The following CTNNA2 variants were observed in gnomAD, a reference collection of about 807,000 sequenced individuals.
CTNNA2 encodes the protein catenin alpha 2.
Under a neutral mutation model 101.0 loss-of-function variants are expected in CTNNA2, and 42 were observed. The observed-to-expected ratio is 0.42, with a 90% confidence interval of 0.32 to 0.54. The LOEUF (loss-of-function observed/expected upper bound fraction) is 0.54. CTNNA2 is among the 20% of genes least tolerant of loss of function. The probability of loss-of-function intolerance (pLI) is 0.14; values close to 1 mark genes in which losing one functional copy is unlikely to be tolerated. For missense variants in CTNNA2, 871 were observed against 1,223.1 expected, an observed-to-expected ratio of 0.71 and a Z score of 4.29; for synonymous variants, 450 against 456.4, an observed-to-expected ratio of 0.99 and a Z score of 0.18.
chr2:79,611,710 A>G, intron 1 of CTNNA2, among the ~76,000 whole-genome samples: 1 of 152,118 alleles, frequency 6.6e-6, no homozygotes, highest in East Asian at 1.9e-4. Flanking sequence ...CTGTTTGCCT[A>G]GCTTTCCTGC....
chr2:79,463,781 A>G (rs1670903667), intron 4 of CTNNA2, among the ~76,000 whole-genome samples: 1 of 152,194 alleles, frequency 6.6e-6, no homozygotes, highest in Non-Finnish European at 1.5e-5. Context: ...CATCAGCATT[A>G]ATGTAGCTTG....
chr2:79,469,405 A>C (rs1323129726), intron 4 of CTNNA2, among the ~76,000 whole-genome samples: 2 of 152,172 alleles, frequency 1.3e-5, no homozygotes, highest in South Asian at 2.1e-4. Context: ...CCAACCAAAA[A>C]AGGTCCAGGA....
At chr2:79,835,686 T>TG (rs1558565809) in intron 3 of CTNNA2, among the ~76,000 whole-genome samples, 9 of 134,830 alleles carry the variant, frequency 6.7e-5, no homozygotes, top group African/African-American at 2.2e-4. Flanking sequence ...TTTTTTTTTT[T>TG]TTTTTTTTTT....
intron 12 of CTNNA2, among the ~76,000 whole-genome samples, chr2:80,569,613 A>G (rs1023324654): frequency 1.2e-5 from 1 of 80,372 alleles, no homozygotes; most frequent in African/African-American, 3.9e-5. Flanking sequence ...CTGTCTCAGT[A>G]TTACTTTTGG....
At chr2:80,500,912 G>A (rs780828560) in intron 9 of CTNNA2, among the ~76,000 whole-genome samples, 1 of 151,752 alleles carries the variant, frequency 6.6e-6, no homozygotes, top group African/African-American at 2.4e-5. Flanking sequence ...TTCTAACAAG[G>A]TTAGATGCAG....
intron 9 of CTNNA2, among the ~76,000 whole-genome samples, chr2:80,437,157 T>C (rs1270278355): frequency 6.6e-6 from 1 of 152,168 alleles, no homozygotes; most frequent in East Asian, 1.9e-4. Context: ...ATCTTGGACT[T>C]TGCAGCCTGT....
At chr2:79,322,104 A>G (rs979474134) in intron 3 of CTNNA2, among the ~76,000 whole-genome samples, 2 of 152,222 alleles carry the variant, frequency 1.3e-5, no homozygotes, top group African/African-American at 4.8e-5. Context: ...TCAAAACTGT[A>G]ATAAAGCTGT....
chr2:80,364,556 A>ATTTTTTTTTT (rs57073635), intron 7 of CTNNA2, among the ~76,000 whole-genome samples: 2 of 123,516 alleles, frequency 1.6e-5, no homozygotes, highest in Non-Finnish European at 1.7e-5. Flanking sequence ...AGAGAAAGTA[A>ATTTTTTTTTT]TTTTTTTTTT....
intron 7 of CTNNA2, among the ~76,000 whole-genome samples, chr2:80,064,770 G>A (rs1219488155): frequency 6.6e-6 from 1 of 152,164 alleles, no homozygotes; most frequent in Non-Finnish European, 1.5e-5. Flanking sequence ...TTTGTATTAT[G>A]TTTTCTAATG....
At chr2:80,208,543 A>G (rs899725693) in intron 7 of CTNNA2, among the ~76,000 whole-genome samples, 41 of 152,128 alleles carry the variant, frequency 2.7e-4, no homozygotes, top group Non-Finnish European at 4.4e-5. Flanking sequence ...ACTTGAGGTA[A>G]ACCTGCTGCC....
chr2:79,303,575 G>C (rs1336307945), intron 2 of CTNNA2, among the ~76,000 whole-genome samples: 1 of 151,940 alleles, frequency 6.6e-6, no homozygotes, highest in African/African-American at 2.4e-5. Flanking sequence ...ACTTATTTAT[G>C]CTGTCAGATG....
At chr2:80,436,723 G>A (rs1213338368) in intron 9 of CTNNA2, among the ~76,000 whole-genome samples, 2 of 152,100 alleles carry the variant, frequency 1.3e-5, no homozygotes, top group Non-Finnish European at 2.9e-5. Flanking sequence ...AAAGATGGAG[G>A]CTTCTTGCTG....
At position 80,330,569 on chromosome 2, in the gene CTNNA2, G is replaced by A. The variant is rs547364631; in HGVS notation, c.1057-62642G>A. 5.9e-4 allele frequency among the ~76,000 whole-genome samples: 90 copies of A among 151,726 alleles called. No individual in the cohort carries two copies. In the Middle Eastern group the frequency reaches 0.01, roughly 17 times the overall value. On this transcript the variant is annotated intron_variant, in intron 7 of 18. Transcript: ENST00000402739. ...TTAGCCATTGTTCATTTGAAGGCAA[G>A]CTGACAATCAGGCCGTTTAAGCCAG...
intron 6 of CTNNA2, 61 bp from the exon 7 acceptor site, chr2:79,909,533 G>A: frequency 7.2e-7 from 1 of 1,382,522 alleles, no homozygotes; most frequent in Non-Finnish European, 9.9e-7. Flanking sequence ...TTCAAAACAG[G>A]GTGCCAAGGC....
intron 7 of CTNNA2, among the ~76,000 whole-genome samples, chr2:80,123,487 G>A (rs1266313561): frequency 1.3e-5 from 2 of 151,654 alleles, no homozygotes; most frequent in Non-Finnish European, 2.9e-5. Context: ...TGTGAAAGAA[G>A]GCCTGGAGAC....
At chr2:79,367,461 G>C (rs1677775700) in intron 3 of CTNNA2, among the ~76,000 whole-genome samples, 1 of 152,196 alleles carries the variant, frequency 6.6e-6, no homozygotes, top group African/African-American at 2.4e-5. Context: ...ATTTTCAAGG[G>C]ACAGCAGGGA....
At chr2:80,177,077 A>G (rs1573308520) in intron 7 of CTNNA2, among the ~76,000 whole-genome samples, 1 of 152,236 alleles carries the variant, frequency 6.6e-6, no homozygotes, top group South Asian at 2.1e-4. Context: ...TTGTAATTTG[A>G]CTTCAAAAGG....
chr2:79,634,462 G>C (rs147848947), intron 1 of CTNNA2: 7 of 152,146 alleles, frequency 4.6e-5, no homozygotes, highest in Non-Finnish European at 1.0e-4. Flanking sequence ...GTTCAATTTC[G>C]AAGGGGCTGC....
At chr2:80,000,730 T>G (rs1214680019) in intron 7 of CTNNA2, among the ~76,000 whole-genome samples, 1 of 152,126 alleles carries the variant, frequency 6.6e-6, no homozygotes, top group Non-Finnish European at 1.5e-5. Flanking sequence ...AGGAAGAAGT[T>G]CTCTCTCTCT....
Sources: allele counts gnomAD v4.1 joint callset (sites outside exome capture counted in the v4.1 genomes callset), GRCh38; gene constraint gnomAD v4.1.1; transcripts MANE v1.5; gene names NCBI Gene and HGNC (gene_info 2026-07-23, HGNC 2026-07-21).